Variants in OTUD7A observed in about 807,000 individuals in gnomAD.
The protein encoded by OTUD7A is OTU domain-containing protein 7A.
A neutral mutation model predicts 65.7 loss-of-function variants in OTUD7A; 12 were observed. The observed-to-expected ratio is 0.18, with a 90% CI of 0.12 to 0.30. The LOEUF (loss-of-function observed/expected upper bound fraction) is 0.30, where lower values mean the gene tolerates loss of function less well. Among genes scored for constraint, OTUD7A ranks in the 10% least tolerant of loss-of-function variants. OTUD7A has a pLI of 1.00. For missense variants in OTUD7A, 1,148 were observed against 1,304.8 expected (o/e 0.88, Z 1.85); for synonymous variants, 641 against 586.3 (o/e 1.09, Z -1.35).
intron 1 of OTUD7A, among the ~76,000 whole-genome samples, chr15:31,807,963 A>G (rs1277417349): frequency 6.6e-6 from 1 of 152,098 alleles, no homozygotes; most frequent in Non-Finnish European, 1.5e-5. Flanking sequence ...CCTGCTGCTG[A>G]TAGGTGCCAG....
At position 31,591,313 on chromosome 15, in the gene OTUD7A, AG is replaced by A. The variant is rs532348861; in HGVS notation, c.152-21117del. Among the ~76,000 whole-genome samples the A allele has an allele frequency of 7.4e-4, 112 of 152,258 alleles. No homozygotes were observed. In the Middle Eastern group the frequency reaches 0.017, roughly 23 times the overall value. ...GTGGTCTGCAGCGGATACATGGGGA[AG>A]GGGCACATCCTCAGAGCAGGAGCTT... On this transcript the variant is annotated intron_variant, in intron 3 of 12. Transcript: ENST00000307050.
intron 3 of OTUD7A, among the ~76,000 whole-genome samples, chr15:31,571,938 C>CCCT (rs754052547): frequency 4.5e-4 from 68 of 152,166 alleles, no homozygotes; most frequent in Non-Finnish European, 9.0e-4. Context: ...ACTCTATGGT[C>CCCT]CCTTCACTGT....
intron 5 of OTUD7A, among the ~76,000 whole-genome samples, chr15:31,548,637 T>C (rs1256550115): frequency 1.3e-5 from 2 of 151,964 alleles, no homozygotes; most frequent in South Asian, 2.1e-4. Context: ...TGGACATAAT[T>C]AAAATGGCGT....
At chr15:31,582,765 A>C (rs1245663923) in intron 3 of OTUD7A, among the ~76,000 whole-genome samples, 3 of 152,200 alleles carry the variant, frequency 2.0e-5, no homozygotes, top group African/African-American at 4.8e-5. Flanking sequence ...GGGTGGGAAC[A>C]TAGCAAAACC....
chr15:31,508,970 A>T (rs2041629628), intron 8 of OTUD7A, among the ~76,000 whole-genome samples: 1 of 152,262 alleles, frequency 6.6e-6, no homozygotes. Flanking sequence ...GAGAAAGTTA[A>T]GCACTATTTT....
chr15:31,756,654 ACACACACACACAC>A (rs1894823092), intron 1 of OTUD7A, among the ~76,000 whole-genome samples: 1 of 151,158 alleles, frequency 6.6e-6, no homozygotes, highest in Non-Finnish European at 1.5e-5. Flanking sequence ...ACACACACAC[ACACACACACACAC>A]ACACACACAC....
At chr15:31,710,193 T>C (rs1216671970) in intron 1 of OTUD7A, among the ~76,000 whole-genome samples, 1 of 149,162 alleles carries the variant, frequency 6.7e-6, no homozygotes, top group African/African-American at 2.5e-5. Context: ...TTCTTATGTG[T>C]TTTCTGCACT....
chr15:31,627,488 G>C (rs998895178), intron 3 of OTUD7A, among the ~76,000 whole-genome samples: 2 of 151,936 alleles, frequency 1.3e-5, no homozygotes, highest in African/African-American at 4.8e-5. Context: ...TCCAGTCTAT[G>C]GTTGTTGGAC....
At chr15:31,747,565 A>G (rs1324735539) in intron 1 of OTUD7A, among the ~76,000 whole-genome samples, 1 of 152,220 alleles carries the variant, frequency 6.6e-6, no homozygotes, top group Non-Finnish European at 1.5e-5. Flanking sequence ...AATATAATCT[A>G]CTGGGTAAAA....
chr15:31,543,551 G>A (rs754547775), intron 5 of OTUD7A, among the ~76,000 whole-genome samples: 1 of 151,850 alleles, frequency 6.6e-6, no homozygotes, highest in Non-Finnish European at 1.5e-5. Flanking sequence ...GGTATGAAAG[G>A]TGGCAAATGG....
chr15:31,790,994 C>A lies in OTUD7A; in HGVS notation c.-100+79513G>T, dbSNP rs376371229. On this transcript the variant is annotated intron_variant, in intron 1 of 12. Coordinates refer to ENST00000307050, the MANE Select transcript of OTUD7A (RefSeq NM_001382637.1). The stretch of plus-strand genomic sequence containing the variant: ...GAGGTGCAAGTCTTGAGTTTTAGTC[C>A]TGACCTACAACTAATGGTCATCTTT... 1.4e-4 allele frequency among the ~76,000 whole-genome samples: 22 copies of A among 152,218 alleles called. No homozygotes were observed. The East Asian group carries it at 3.5e-3, about 24-fold the overall frequency.
At chr15:31,653,063 A>G (rs1289665432) in intron 3 of OTUD7A, among the ~76,000 whole-genome samples, 1 of 152,148 alleles carries the variant, frequency 6.6e-6, no homozygotes, top group African/African-American at 2.4e-5. Context: ...AGCCTGGCCA[A>G]TATGTTGAAA....
intron 8 of OTUD7A, among the ~76,000 whole-genome samples, chr15:31,506,225 T>G (rs2041563532): frequency 6.6e-6 from 1 of 152,090 alleles, no homozygotes; most frequent in Non-Finnish European, 1.5e-5. Flanking sequence ...CTTTTTTTTT[T>G]TGCTGATATT....
chr15:31,476,078 G>C lies in OTUD7A; in HGVS notation c.*7216C>G, dbSNP rs2041012216. 1 of 152,220 alleles carries C rather than the reference G, an allele frequency of 6.6e-6. No homozygotes were observed. The highest frequency in any genetic ancestry group is 2.4e-5 in the African/African-American group (1 of 41,456). 9.4% of individuals were successfully genotyped at this position (152,220 alleles called of 1,614,324 possible). A position where few individuals can be genotyped will look rare whatever the true frequency, so the allele number is the denominator to read the frequency against. Reference sequence around the variant, plus strand: ...AAACTCCGTAGATGAGGCAGTAACAGGTCACTAAGGAGCTTAGTCCCTCTG... The same window carrying C: ...AAACTCCGTAGATGAGGCAGTAACACGTCACTAAGGAGCTTAGTCCCTCTG... On this transcript the variant is annotated 3_prime_UTR_variant, in exon 13 of 13. Coordinates refer to ENST00000307050, the MANE Select transcript of OTUD7A (RefSeq NM_001382637.1).
intron 1 of OTUD7A, among the ~76,000 whole-genome samples, chr15:31,751,843 T>C (rs572941190): frequency 6.6e-6 from 1 of 152,208 alleles, no homozygotes; most frequent in East Asian, 1.9e-4. Context: ...AGCTAAATAT[T>C]GGGTATGCAC....
chr15:31,798,975 G>A (rs1374452647), intron 1 of OTUD7A, among the ~76,000 whole-genome samples: 1 of 152,220 alleles, frequency 6.6e-6, no homozygotes, highest in Non-Finnish European at 1.5e-5. Context: ...TACTGGAAGA[G>A]GGGTCACAGG....
At chr15:31,601,279 T>A (rs1890065567) in intron 3 of OTUD7A, among the ~76,000 whole-genome samples, 1 of 152,080 alleles carries the variant, frequency 6.6e-6, no homozygotes, top group Non-Finnish European at 1.5e-5. Flanking sequence ...TACAGTGCAA[T>A]CAAATTAGAA....
intron 3 of OTUD7A, among the ~76,000 whole-genome samples, chr15:31,580,805 T>A (rs57430108): frequency 6.6e-6 from 1 of 152,106 alleles, no homozygotes; most frequent in African/African-American, 2.4e-5. Flanking sequence ...CCTTGACACA[T>A]GGGGATTATT....
At chr15:31,508,507 G>A (rs1333885164) in intron 8 of OTUD7A, among the ~76,000 whole-genome samples, 3 of 152,152 alleles carry the variant, frequency 2.0e-5, no homozygotes, top group South Asian at 2.1e-4. Flanking sequence ...CCGCCACCAC[G>A]CTCGGCTAAT....
Sources: allele counts gnomAD v4.1 joint callset (sites outside exome capture counted in the v4.1 genomes callset), GRCh38; gene constraint gnomAD v4.1.1; transcripts MANE v1.5; gene names NCBI Gene and HGNC (gene_info 2026-07-23, HGNC 2026-07-21).